COL9A2: variants seen among roughly 807,000 people sequenced by gnomAD.
COL9A2 encodes the protein collagen alpha-2(IX) chain.
COL9A2 carries 66 observed loss-of-function variants against 111.6 expected under a neutral mutation model. The ratio of observed to expected loss-of-function variants is 0.59; its 90% CI spans 0.48 to 0.73. COL9A2 has a LOEUF of 0.73. Among genes scored for constraint, COL9A2 ranks in the 30% least tolerant of loss-of-function variants. The probability of loss-of-function intolerance (pLI) is 0.00; values close to 1 mark genes in which losing one functional copy is unlikely to be tolerated. For synonymous variants in COL9A2, 353 were observed against 364.1 expected (o/e 0.97, Z 0.35); for missense variants, 881 against 954.1 (o/e 0.92, Z 1.01).
At position 40,311,964 on chromosome 1, in the gene COL9A2, AG is replaced by A. The variant is rs1557803055; in HGVS notation, c.417+94del. On this transcript the variant is annotated intron_variant, in intron 8 of 31. Coordinates refer to ENST00000372748, the MANE Select transcript of COL9A2 (RefSeq NM_001852.4). The surrounding 1 kb of genome is among the most constrained non-coding windows in gnomAD (Gnocchi z 5.1). The stretch of plus-strand genomic sequence containing the variant: ...GACCTGGAGGAGTTTCCCAGTGGCC[AG>A]GAGCAGGCCCAGGAACTTCCAGAAA... 1 of 1,344,728 alleles carries A rather than the reference AG, an allele frequency of 7.4e-7. No homozygotes were observed. Among genetic ancestry groups the A allele is most frequent in the African/African-American group, 1.4e-5 (1 of 69,484 alleles). The allele number at this position is 1,344,728 out of a possible 1,614,324, so 83.3% of individuals were successfully genotyped here.
At position 40,314,854 on chromosome 1, in the gene COL9A2, C is replaced by A. The variant is rs747104859; in HGVS notation, c.151-467G>T. On this transcript the variant is annotated intron_variant, in intron 2 of 31. Coordinates refer to ENST00000372748, the MANE Select transcript of COL9A2 (RefSeq NM_001852.4). This position sits in a 1 kb window ranked among gnomAD's most constrained non-coding sequence, Gnocchi z 4.1. ...CAGTGGCAAGGACCAAGGGGGACTGCAAGGGGGAAATTCAGTGTTCCCAAG... is the reference window on the plus strand; with the variant it reads ...CAGTGGCAAGGACCAAGGGGGACTGAAAGGGGGAAATTCAGTGTTCCCAAG... Among the ~76,000 whole-genome samples the A allele has an allele frequency of 6.6e-6, 1 of 152,076 alleles. No individual in the cohort carries two copies. Among genetic ancestry groups the A allele is most frequent in the Non-Finnish European group, 1.5e-5 (1 of 68,018 alleles).
In COL9A2 at chr1:40,307,551, C is replaced by A. The variant is rs762694464; in HGVS notation, c.955-52G>T. ...CAAATTAAAGCTCCAGCCAGAGGGC[C>A]ATGGCTTCTACCCAGATGCAGGTAG... On this transcript the variant is annotated intron_variant, in intron 18 of 31. Transcript: ENST00000372748. The surrounding 1 kb of genome is among the most constrained non-coding windows in gnomAD (Gnocchi z 4.8). 1.2e-6 allele frequency: 2 copies of A among 1,603,886 alleles called. No homozygotes were observed. Among genetic ancestry groups the A allele is most frequent in the South Asian group, 2.2e-5 (2 of 90,474 alleles).
Position 40,317,093 on chromosome 1 carries a change from C to T in COL9A2, c.75+30G>A. On this transcript the variant is annotated intron_variant, in intron 1 of 31. Coordinates refer to ENST00000372748, the MANE Select transcript of COL9A2 (RefSeq NM_001852.4). This position sits in a 1 kb window ranked among gnomAD's most constrained non-coding sequence, Gnocchi z 4.3. The stretch of plus-strand genomic sequence containing the variant: ...CGGACTCCAGACCCCGCACCCTGGA[C>T]CCTGGCAGCGGAGGGGCTGCGAAAC... 6.5e-7 allele frequency: 1 copy of T among 1,550,080 alleles called. No homozygotes were observed. The highest frequency in any genetic ancestry group is 2.4e-5 in the East Asian group (1 of 40,936).
Position 40,311,271 on chromosome 1 carries a change from GAC to G in COL9A2, c.533_534del (p.Cys178SerfsTer25), listed in dbSNP as rs1557802120. ...CCTGGGGGACCTTTCATTCCGGGTG[GAC>G]AGTTGGTTGGACACTGGAAACAGAA... ...GSADFLCPTN[C>X]PPGMKGPPGL... On this transcript the variant is annotated frameshift_variant, in exon 11 of 32. Coordinates refer to ENST00000372748, the MANE Select transcript of COL9A2 (RefSeq NM_001852.4). LOFTEE classifies it high-confidence loss of function. This position sits in a 1 kb window ranked among gnomAD's most constrained non-coding sequence, Gnocchi z 5.1. 6.2e-7 allele frequency: 1 copy of G among 1,614,126 alleles called. No homozygotes were observed. The highest frequency in any genetic ancestry group is 1.6e-4 in the Middle Eastern group (1 of 6,062).
chr1:40,305,043 G>T, intron 21 of COL9A2, 196 bp from the exon 22 acceptor site: 8 of 406,938 alleles, frequency 2.0e-5, no homozygotes, highest in South Asian at 4.1e-5. Flanking sequence ...TACTTATCAT[G>T]TGATCATTTC....
chr1:40,307,779 G>A lies in COL9A2; in HGVS notation c.901-23C>T, dbSNP rs2124072657. On this transcript the variant is annotated intron_variant, in intron 17 of 31. Transcript: ENST00000372748. This position sits in a 1 kb window ranked among gnomAD's most constrained non-coding sequence, Gnocchi z 4.8. ...GCCCTACCCAGGAGGAAAGTTCAAG[G>A]GAGAGTGATAATGCGGAGATGTCTG... The A allele has an allele frequency of 1.9e-6, 3 of 1,613,774 alleles. No individual in the cohort carries two copies. The highest frequency in any genetic ancestry group is 2.5e-6 in the Non-Finnish European group (3 of 1,179,704).
At position 40,312,788 on chromosome 1, in the gene COL9A2, G is replaced by C; in HGVS notation, c.250-4C>G. 1.3e-6 allele frequency: 2 copies of C among 1,550,866 alleles called. No individual in the cohort carries two copies. The highest frequency in any genetic ancestry group is 1.7e-6 in the Non-Finnish European group (2 of 1,146,872). ...CCCCCTTGGCTCCAGTTAAACCCTG[G>C]GGAAGAATGAAAATGTAGGATCAAT... On this transcript the variant is annotated splice_polypyrimidine_tract_variant and splice_region_variant and intron_variant, in intron 4 of 31. Transcript: ENST00000372748. This position sits in a 1 kb window ranked among gnomAD's most constrained non-coding sequence, Gnocchi z 6.0.
chr1:40,308,333 C>T (rs1644063151), intron 16 of COL9A2, 88 bp from the exon 17 acceptor site: 1 of 1,361,196 alleles, frequency 7.3e-7, no homozygotes, highest in African/African-American at 1.4e-5. Context: ...GAACAGTGGC[C>T]TCTAGGTCCC....
chr1:40,303,662 T>C lies in COL9A2; in HGVS notation c.1416A>G (p.Gly472=). ...PGPKGQQGVR[G]EPGYPGPSGD... is the part of the protein sequence containing the mutation. ...CGCTGGGGCCAGGGTAGCCGGGTTC[T>C]CCACGTACTCCTTGCTGCGGGGGGA... Residue 472 remains glycine, a synonymous_variant, in exon 28 of 32, where the codon GGA becomes GGG. Transcript: ENST00000372748. The surrounding 1 kb of genome is among the most constrained non-coding windows in gnomAD (Gnocchi z 4.6). The C allele has an allele frequency of 6.4e-7, 1 of 1,556,432 alleles. No homozygotes were observed. The highest frequency in any genetic ancestry group is 8.7e-7 in the Non-Finnish European group (1 of 1,152,496).
In COL9A2 at chr1:40,316,804, A is replaced by G. The variant is rs1193732318; in HGVS notation, c.75+319T>C. On this transcript the variant is annotated intron_variant, in intron 1 of 31. Transcript: ENST00000372748. This position sits in a 1 kb window ranked among gnomAD's most constrained non-coding sequence, Gnocchi z 5.5. ...GAGGCTGCGCAGCGGGTGAATGAGC[A>G]CCATTGTATGCCCCGCCACCTGGGC... is the stretch of plus-strand genomic sequence containing the variant. The G allele has an allele frequency of 4.4e-6, 2 of 454,232 alleles. No individual in the cohort carries two copies. Among genetic ancestry groups the G allele is most frequent in the Admixed American group, 3.5e-5 (1 of 28,312 alleles). The allele number at this position is 454,232 out of a possible 1,614,324, so 28.1% of individuals were successfully genotyped here.
At position 40,315,623 on chromosome 1, in the gene COL9A2, TCCCGGGGGACCCGGGGGG is replaced by T. The variant is rs775866839; in HGVS notation, c.99_116del (p.Pro37_Gly42del). 2 of 1,552,974 alleles carry T rather than the reference TCCCGGGGGACCCGGGGGG, an allele frequency of 1.3e-6. No homozygotes were observed. The highest frequency in any genetic ancestry group is 1.7e-6 in the Non-Finnish European group (2 of 1,147,498). On this transcript the variant is annotated inframe_deletion, in exon 2 of 32. Transcript: ENST00000372748. ...CGTCGGATCCAGGCACTCCCGGCGG[TCCCGGGGGACCCGGGGGG>T]CCCCGCTCTCCCGGTGGACCTCTCT... is the stretch of plus-strand genomic sequence containing the variant.
chr1:40,301,303 C>T lies in COL9A2; in HGVS notation c.1949G>A (p.Gly650Asp). ...RGSPGAPGEAGRPGLPGPVGL... is the reference protein window; with the variant it reads ...RGSPGAPGEADRPGLPGPVGL... ...CACGGGGCCTGGCAGGCCAGGTCGA[C>T]CTGCCTCTCCTGGAGCCCCTGGGGA... is the stretch of plus-strand genomic sequence containing the variant. Residue 650 changes from glycine (G) to aspartate (D), a missense_variant, in exon 32 of 32, where the codon GGT becomes GAT. Transcript: ENST00000372748. The T allele has an allele frequency of 6.2e-6, 10 of 1,612,654 alleles. No individual in the cohort carries two copies. Among genetic ancestry groups the T allele is most frequent in the Non-Finnish European group, 7.6e-6 (9 of 1,179,072 alleles).
rs376866320 is a variant in COL9A2, at chr1:40,308,204, C to T, written c.888G>A (p.Pro296=). 38 of 1,614,146 alleles carry T rather than the reference C, an allele frequency of 2.4e-5. No homozygotes were observed. The highest frequency in any genetic ancestry group is 1.1e-4 in the East Asian group (5 of 44,880). Residue 296 remains proline, a synonymous_variant, in exon 17 of 32, where the codon CCG becomes CCA. Coordinates refer to ENST00000372748, the MANE Select transcript of COL9A2 (RefSeq NM_001852.4). ...GIRGPQGITG[P]KGATGPPGIN... Reference sequence around the variant, plus strand: ...CTCTGGCACCTACCGTTGCTCCTTTCGGGCCTGTGATCCCCTGGGGTCCAC... The same window carrying T: ...CTCTGGCACCTACCGTTGCTCCTTTTGGGCCTGTGATCCCCTGGGGTCCAC...
chr1:40,309,839 A>T, intron 16 of COL9A2, 99 bp downstream of exon 16: 1 of 1,156,950 alleles, frequency 8.6e-7, no homozygotes, highest in Non-Finnish European at 1.3e-6. Context: ...ACTCACGCAC[A>T]CACTCATGCA....
chr1:40,310,329 G>GA lies in COL9A2; in HGVS notation c.685-13dup. On this transcript the variant is annotated splice_polypyrimidine_tract_variant and intron_variant, in intron 13 of 31. Transcript: ENST00000372748. The surrounding 1 kb of genome is among the most constrained non-coding windows in gnomAD (Gnocchi z 4.9). ...ATGCCCTGGGGACCCTGTTGAGAAA[G>GA]AAAAATGACAGCAATGGCAATTGCA... 1.9e-6 allele frequency: 3 copies of GA among 1,613,900 alleles called. No individual in the cohort carries two copies. Among genetic ancestry groups the GA allele is most frequent in the Non-Finnish European group, 1.7e-6 (2 of 1,179,980 alleles).
At position 40,312,399 on chromosome 1, in the gene COL9A2, G is replaced by C. The variant is rs979114095; in HGVS notation, c.363+57C>G. On this transcript the variant is annotated intron_variant, in intron 7 of 31. Coordinates refer to ENST00000372748, the MANE Select transcript of COL9A2 (RefSeq NM_001852.4). The surrounding 1 kb of genome is among the most constrained non-coding windows in gnomAD (Gnocchi z 6.0). ...GTGGCCATTCCCTCGAAGCCTTTCT[G>C]TTGTCCCCTCCTTCCCTGGGAGTTC... 70 of 1,598,192 alleles carry C rather than the reference G, an allele frequency of 4.4e-5. No homozygotes were observed. The highest frequency in any genetic ancestry group is 5.6e-5 in the Non-Finnish European group (65 of 1,170,366).
At chr1:40,304,144 A>T in intron 24 of COL9A2, 45 bp from the exon 25 acceptor site, 1 of 1,527,036 alleles carries the variant, frequency 6.5e-7, no homozygotes, top group Admixed American at 2.0e-5. Flanking sequence ...TCCCCCCTCC[A>T]CGGGGTCCCC....
chr1:40,304,287 C>T lies in COL9A2; in HGVS notation c.1287+33G>A, dbSNP rs185248062. ...CCCCACTCCCCCTGTTATAGGGCCC[C>T]TTTCCCAGGTGTTTCCCAGCCCCAT... On this transcript the variant is annotated intron_variant, in intron 24 of 31. Coordinates refer to ENST00000372748, the MANE Select transcript of COL9A2 (RefSeq NM_001852.4). 218 of 1,551,600 alleles carry T rather than the reference C, an allele frequency of 1.4e-4. No individual in the cohort carries two copies. In the East Asian group the frequency reaches 3.9e-3, roughly 27 times the overall value.
chr1:40,312,156 G>A lies in COL9A2; in HGVS notation c.364-44C>T. On this transcript the variant is annotated intron_variant, in intron 7 of 31. Coordinates refer to ENST00000372748, the MANE Select transcript of COL9A2 (RefSeq NM_001852.4). The surrounding 1 kb of genome is among the most constrained non-coding windows in gnomAD (Gnocchi z 6.0). ...ATGGTCAGGATGCCTCAGAGGGTCA[G>A]ATACCCTGGGCACAAAGGTAGAGAC... is the stretch of plus-strand genomic sequence containing the variant. 6.5e-7 allele frequency: 1 copy of A among 1,535,358 alleles called. No individual in the cohort carries two copies. Among genetic ancestry groups the A allele is most frequent in the Non-Finnish European group, 8.9e-7 (1 of 1,122,236 alleles).
Sources: allele counts gnomAD v4.1 joint callset (sites outside exome capture counted in the v4.1 genomes callset), GRCh38; gene constraint gnomAD v4.1.1; non-coding constraint Gnocchi (gnomAD v3.1); transcripts MANE v1.5; gene names NCBI Gene and HGNC (gene_info 2026-07-23, HGNC 2026-07-21).